Variants in QRICH2 observed in about 807,000 individuals in gnomAD.
The protein encoded by QRICH2 is glutamine-rich protein 2.
QRICH2 carries 119 observed loss-of-function variants against 168.3 expected under a neutral mutation model. The observed-to-expected ratio is 0.71, with a 90% CI of 0.61 to 0.82. The LOEUF is 0.82. Ranked by LOEUF, QRICH2 falls within the 40% of genes least tolerant of loss-of-function variation. The pLI is 0.00. For missense variants in QRICH2, 2,241 were observed against 2,491.6 expected, an observed-to-expected ratio of 0.90 and a Z score of 2.14; for synonymous variants, 894 against 951.2, an observed-to-expected ratio of 0.94 and a Z score of 1.11.
At chr17:76,298,495 AC>A (rs2070841083) in intron 3 of QRICH2, among the ~76,000 whole-genome samples, 1 of 151,668 alleles carries the variant, frequency 6.6e-6, no homozygotes, top group Non-Finnish European at 1.5e-5. Flanking sequence ...CCTTTTAAAA[AC>A]TTTTTGTAGA....
chr17:76,287,513 G>A (rs1181089123), intron 6 of QRICH2, among the ~76,000 whole-genome samples: 1 of 152,156 alleles, frequency 6.6e-6, no homozygotes, highest in East Asian at 1.9e-4. Flanking sequence ...TGCAAAGAGA[G>A]AGCTCAGAGG....
chr17:76,295,097 T>C (rs1167751788), intron 3 of QRICH2, among the ~76,000 whole-genome samples: 1 of 150,272 alleles, frequency 6.7e-6, no homozygotes, highest in Non-Finnish European at 1.5e-5. Context: ...AATAAATAAA[T>C]AAATAAATAA....
upstream of QRICH2, among the ~76,000 whole-genome samples, chr17:76,308,998 CG>C (rs1319098791): frequency 6.6e-6 from 1 of 150,652 alleles, no homozygotes; most frequent in Non-Finnish European, 1.5e-5. Flanking sequence ...CGACCCACCT[CG>C]GCCTCCCAAA....
At position 76,291,940 on chromosome 17, in the gene QRICH2, A is replaced by G; in HGVS notation, c.2787T>C (p.His929=). The G allele has an allele frequency of 6.2e-7, 1 of 1,614,210 alleles. No individual in the cohort carries two copies. Among genetic ancestry groups the G allele is most frequent in the African/African-American group, 1.3e-5 (1 of 75,060 alleles). ...QGMVQPQADP[H]GLVQPGAYPL... is the part of the protein sequence containing the mutation. ...GATAGGCACCAGGTTGTACCAGGCC[A>G]TGTGGATCTGCCTGAGGTTGCACCA... Residue 929 remains histidine (H), a synonymous_variant, in exon 4 of 19, where the codon CAT becomes CAC. Coordinates refer to ENST00000680821, the MANE Select transcript of QRICH2 (RefSeq NM_001388453.1).
At chr17:76,276,009 C>G in intron 17 of QRICH2, 62 bp from the exon 18 acceptor site, 1 of 1,579,382 alleles carries the variant, frequency 6.3e-7, no homozygotes, top group Non-Finnish European at 8.6e-7. Flanking sequence ...TGTGGGAACC[C>G]CTGGGGGTGG....
At chr17:76,294,727 C>T (rs1244843575) in intron 3 of QRICH2, among the ~76,000 whole-genome samples, 2 of 149,532 alleles carry the variant, frequency 1.3e-5, no homozygotes, top group African/African-American at 4.9e-5. Context: ...GCAGGAGAAT[C>T]GCTTGAACCC....
chr17:76,293,589 G>A lies in QRICH2; in HGVS notation c.1138C>T (p.Gln380Ter). 6.2e-7 allele frequency: 1 copy of A among 1,614,144 alleles called. No individual in the cohort carries two copies. The highest frequency in any genetic ancestry group is 8.5e-7 in the Non-Finnish European group (1 of 1,180,020). Reference protein sequence around the residue: ...RDQPSSVPASQSQVHLRPDRR... With the variant: ...RDQPSSVPAS ...TCTGGCCTTAGATGGACCTGACTCT[G>A]GCTAGCGGGCACACTACTGGGCTGG... Residue 380 changes from glutamine (Q) to a stop codon, truncating the protein, a stop_gained, in exon 4 of 19, where the codon CAG (glutamine) becomes TAG (stop). Coordinates refer to ENST00000680821, the MANE Select transcript of QRICH2 (RefSeq NM_001388453.1). LOFTEE classifies it high-confidence loss of function.
Position 76,274,202 on chromosome 17 carries a change from G to T in QRICH2, c.5541C>A (p.Asn1847Lys). ...PSSEGRLSQP[N>K]TAHPPSSAAV... ...CGGCGGAGCTGGGCGGGTGGGCTGT[G>T]TTCGGCTGGGAGAGACGGCCCTCGG... The change falls in exon 19 of 19, where the codon AAC (asparagine) becomes AAA (lysine). Residue 1847 changes from asparagine (N) to lysine (K), a missense_variant. Transcript: ENST00000680821. 1 of 1,596,310 alleles carries T rather than the reference G, an allele frequency of 6.3e-7. No homozygotes were observed. The highest frequency in any genetic ancestry group is 8.5e-7 in the Non-Finnish European group (1 of 1,174,096).
chr17:76,305,835 T>A (rs1316509015), intron 1 of QRICH2, among the ~76,000 whole-genome samples: 1 of 152,220 alleles, frequency 6.6e-6, no homozygotes, highest in African/African-American at 2.4e-5. Context: ...AGTTACTTTT[T>A]ATAACTTTTG....
chr17:76,285,125 C>CTGTTGTTGTTGTTGT (rs112068809), intron 7 of QRICH2, among the ~76,000 whole-genome samples: 2,130 of 147,844 alleles, frequency 0.014, 55 homozygotes, highest in African/African-American at 0.051. Context: ...CAGCTATTTT[C>CTGTTGTTGTTGTTGT]TGTTGTTGTT....
chr17:76,282,812 A>G (rs1262364413), intron 7 of QRICH2, among the ~76,000 whole-genome samples: 2 of 152,196 alleles, frequency 1.3e-5, no homozygotes, highest in African/African-American at 4.8e-5. Context: ...GCTTGGCTCA[A>G]AAAGAGAGGC....
chr17:76,277,848 C>T (rs1471630983), intron 15 of QRICH2, 141 bp downstream of exon 15: 30 of 853,936 alleles, frequency 3.5e-5, no homozygotes, highest in Middle Eastern at 3.4e-4. Context: ...TAACACCCCT[C>T]GCCCACACTT....
chr17:76,288,794 A>C (rs1171553791), intron 5 of QRICH2, among the ~76,000 whole-genome samples: 1 of 151,898 alleles, frequency 6.6e-6, no homozygotes, highest in Non-Finnish European at 1.5e-5. Context: ...ACTGGACTCC[A>C]AGGCTGCCAC....
At chr17:76,277,478 C>A (rs1048220272) in intron 15 of QRICH2, among the ~76,000 whole-genome samples, 168 bp from the exon 16 acceptor site, 1 of 151,942 alleles carries the variant, frequency 6.6e-6, no homozygotes, top group African/African-American at 2.4e-5. Flanking sequence ...GTAGAGCAGC[C>A]GTGAGGCCGG....
chr17:76,280,340 C>G lies in QRICH2; in HGVS notation c.4573G>C (p.Glu1525Gln). Reference sequence around the variant, plus strand: ...TCCAGCATCTTCTGCCAGTCCTGCTCCTGCCCGCTCATCTTGGCCACCAGC... The same window carrying G: ...TCCAGCATCTTCTGCCAGTCCTGCTGCTGCCCGCTCATCTTGGCCACCAGC... ...QELVAKMSGQ[E>Q]QDWQKMLDRL... Residue 1525 changes from glutamate (E) to glutamine (Q), a missense_variant, in exon 11 of 19, where the codon GAG becomes CAG. Glu to Gln is a conservative substitution (Grantham distance 29). This residue lies in a region of QRICH2 where 2,047 missense variants were observed against 2,303.8 expected (regional missense o/e 0.89). Transcript: ENST00000680821. This position sits in a 1 kb window ranked among gnomAD's most constrained non-coding sequence, Gnocchi z 7.4. 1 of 1,614,226 alleles carries G rather than the reference C, an allele frequency of 6.2e-7. No individual in the cohort carries two copies. The highest frequency in any genetic ancestry group is 2.2e-5 in the East Asian group (1 of 44,890).
intron 15 of QRICH2, among the ~76,000 whole-genome samples, chr17:76,277,577 CAT>C (rs1256387431): frequency 6.6e-6 from 1 of 152,022 alleles, no homozygotes; most frequent in East Asian, 1.9e-4. Flanking sequence ...CACACACACA[CAT>C]ACATGCACAC....
intron 3 of QRICH2, among the ~76,000 whole-genome samples, chr17:76,298,740 C>T (rs930668000): frequency 1.3e-4 from 20 of 152,024 alleles, no homozygotes; most frequent in South Asian, 2.1e-4. Context: ...CTCGGCCTCC[C>T]GAGTAGCTGG....
chr17:76,303,173 C>T (rs1373604816), intron 3 of QRICH2, among the ~76,000 whole-genome samples: 1 of 152,048 alleles, frequency 6.6e-6, no homozygotes, highest in Non-Finnish European at 1.5e-5. Flanking sequence ...CTGGAGCCAC[C>T]GCGCCCGGCC....
At chr17:76,305,457 C>A (rs1402891895) in intron 1 of QRICH2, among the ~76,000 whole-genome samples, 2 of 152,190 alleles carry the variant, frequency 1.3e-5, no homozygotes, top group Non-Finnish European at 2.9e-5. Context: ...GGAGCCCCTG[C>A]TTTCTACCTG....
Sources: allele counts gnomAD v4.1 joint callset (sites outside exome capture counted in the v4.1 genomes callset), GRCh38; gene constraint gnomAD v4.1.1; regional missense constraint gnomAD v4.1.1; non-coding constraint Gnocchi (gnomAD v3.1); transcripts MANE v1.5; gene names NCBI Gene and HGNC (gene_info 2026-07-23, HGNC 2026-07-21).